PCDHGB1: variants seen among roughly 807,000 people sequenced by gnomAD.
The protein encoded by PCDHGB1 is protocadherin gamma subfamily B, 1.
Under a neutral mutation model 56.6 loss-of-function variants are expected in PCDHGB1, and 34 were observed. The ratio of observed to expected loss-of-function variants is 0.60; its 90% CI spans 0.46 to 0.80. The LOEUF (loss-of-function observed/expected upper bound fraction) is 0.80. Among genes scored for constraint, PCDHGB1 ranks in the 30% least tolerant of loss-of-function variants. PCDHGB1 has a pLI of 0.00. For missense variants in PCDHGB1, 1,278 were observed against 1,204.6 expected, an observed-to-expected ratio of 1.06 and a Z score of -0.90; for synonymous variants, 561 against 505.9, an observed-to-expected ratio of 1.11 and a Z score of -1.46.
At chr5:141,430,781 C>T (rs559701152) in intron 1 of PCDHGB1, 6 of 1,510,922 alleles carry the variant, frequency 4.0e-6, no homozygotes, top group South Asian at 2.7e-5. Context: ...GCGACTGCAC[C>T]GGGACTACAA....
intron 1 of PCDHGB1, chr5:141,419,056 T>C (rs2096318283): frequency 6.2e-7 from 1 of 1,613,836 alleles, no homozygotes; most frequent in Non-Finnish European, 8.5e-7. Context: ...CTTCTTCTAA[T>C]AATTACTACA....
At chr5:141,455,289 A>G (rs1592356100) in intron 1 of PCDHGB1, among the ~76,000 whole-genome samples, 2 of 152,192 alleles carry the variant, frequency 1.3e-5, no homozygotes, top group East Asian at 3.9e-4. Context: ...ATCACTTTAC[A>G]TAGTTTCATC....
chr5:141,459,444 T>C (rs1485634547), intron 1 of PCDHGB1, among the ~76,000 whole-genome samples: 1 of 152,244 alleles, frequency 6.6e-6, no homozygotes, highest in Non-Finnish European at 1.5e-5. Context: ...TTCATTCAAC[T>C]GTTGGTGGAC....
chr5:141,449,994 G>T (rs2098661673), intron 1 of PCDHGB1, among the ~76,000 whole-genome samples: 2 of 131,786 alleles, frequency 1.5e-5, no homozygotes, highest in Admixed American at 7.9e-5. Context: ...ATTGCATTTA[G>T]TTGCCATGTC....
Position 141,359,430 on chromosome 5 carries a change from C to A in PCDHGB1, c.2409+6761C>A, listed in dbSNP as rs374091211. On this transcript the variant is annotated intron_variant, in intron 1 of 3. Coordinates refer to ENST00000523390, the MANE Select transcript of PCDHGB1 (RefSeq NM_018922.3). Reference sequence around the variant, plus strand: ...AAAAATGTGTTTTTGTTAGAATGGGCAGTGGGTTTCTTTTAGCAAATAACA... The same window carrying A: ...AAAAATGTGTTTTTGTTAGAATGGGAAGTGGGTTTCTTTTAGCAAATAACA... 2.0e-5 allele frequency among the ~76,000 whole-genome samples: 3 copies of A among 151,344 alleles called. No individual in the cohort carries two copies. The East Asian group carries it at 5.8e-4, about 29-fold the overall frequency.
intron 1 of PCDHGB1, chr5:141,413,462 G>C (rs750915907): frequency 1.9e-6 from 3 of 1,614,120 alleles, no homozygotes; most frequent in Non-Finnish European, 2.5e-6. Flanking sequence ...AGGATAGACC[G>C]GGAGGAGCTC....
At chr5:141,406,044 G>A (rs1473314165) in intron 1 of PCDHGB1, among the ~76,000 whole-genome samples, 1 of 151,228 alleles carries the variant, frequency 6.6e-6, no homozygotes, top group Non-Finnish European at 1.5e-5. Flanking sequence ...ATTGGTTGCA[G>A]TGGACTCATA....
chr5:141,423,597 G>C, intron 1 of PCDHGB1: 1 of 1,613,188 alleles, frequency 6.2e-7, no homozygotes, highest in Non-Finnish European at 8.5e-7. Context: ...AGAAAAGCGA[G>C]CCACTCTTGA....
intron 1 of PCDHGB1, chr5:141,366,451 C>G: frequency 6.2e-7 from 1 of 1,614,228 alleles, no homozygotes; most frequent in Non-Finnish European, 8.5e-7. Context: ...TCCTGGCCTT[C>G]GTCATCGTGC....
chr5:141,419,894 C>G, intron 1 of PCDHGB1: 1 of 1,613,926 alleles, frequency 6.2e-7, no homozygotes, highest in Non-Finnish European at 8.5e-7. Flanking sequence ...CAGCGACCAT[C>G]CCACACCCTC....
At chr5:141,478,332 G>A (rs773442842) in intron 1 of PCDHGB1, 1 of 1,613,924 alleles carries the variant, frequency 6.2e-7, no homozygotes, top group Non-Finnish European at 8.5e-7. Context: ...CGAACACCAG[G>A]GCCCTCCTTG....
chr5:141,427,139 T>C (rs1430333586), intron 1 of PCDHGB1: 2 of 456,952 alleles, frequency 4.4e-6, no homozygotes, highest in East Asian at 1.4e-4. Context: ...TACGAGATGA[T>C]ATTGGAAATA....
rs752708726 is a variant in PCDHGB1 at position 141,413,991 on chromosome 5, C to T, written c.2409+61322C>T. 1.9e-6 allele frequency: 3 copies of T among 1,613,494 alleles called. No homozygotes were observed. The East Asian group carries it at 6.7e-5, about 36-fold the overall frequency. ...AGCTGCTGACAGTCACAGCCACCGA[C>T]AGGGACGAAGGTGCCAATGGAGAAG... On this transcript the variant is annotated intron_variant, in intron 1 of 3. Coordinates refer to ENST00000523390, the MANE Select transcript of PCDHGB1 (RefSeq NM_018922.3).
Position 141,374,094 on chromosome 5 carries a change from C to A in PCDHGB1, c.2409+21425C>A. 1 of 1,555,744 alleles carries A rather than the reference C, an allele frequency of 6.4e-7. No homozygotes were observed. The highest frequency in any genetic ancestry group is 1.2e-5 in the South Asian group (1 of 82,772). On this transcript the variant is annotated intron_variant, in intron 1 of 3. Coordinates refer to ENST00000523390, the MANE Select transcript of PCDHGB1 (RefSeq NM_018922.3). ...CCTAATAAGCCAGTAATGGCGCCTC[C>A]GCAGAGGCATCCGCAGCGCAGCGAG...
rs987773604 is a variant in PCDHGB1 at position 141,409,588 on chromosome 5, C to G, written c.2409+56919C>G. 5.6e-6 allele frequency: 9 copies of G among 1,613,760 alleles called. 1 individual carries two copies. The highest frequency in any genetic ancestry group is 7.6e-6 in the Non-Finnish European group (9 of 1,179,892). On this transcript the variant is annotated intron_variant, in intron 1 of 3. Transcript: ENST00000523390. ...AGACGTCCTACGTGGTCCACGTGGC[C>G]GAGAACAACCCGCCAGGAGCCTCCA...
intron 1 of PCDHGB1, among the ~76,000 whole-genome samples, chr5:141,458,758 G>T (rs1473104567): frequency 1.3e-5 from 2 of 150,844 alleles, no homozygotes; most frequent in Non-Finnish European, 3.0e-5. Context: ...TTTGAGACAG[G>T]GTCTTGCTGT....
At position 141,431,026 on chromosome 5, in the gene PCDHGB1, G is replaced by A; in HGVS notation, c.2410-63781G>A. On this transcript the variant is annotated intron_variant, in intron 1 of 3. Coordinates refer to ENST00000523390, the MANE Select transcript of PCDHGB1 (RefSeq NM_018922.3). This position sits in a 1 kb window ranked among gnomAD's most constrained non-coding sequence, Gnocchi z 4.8. Reference sequence around the variant, plus strand: ...GCGGCAGCTTGGTCACGGCGGGCAGGATAGACCGGGAGGAGCTCTGTATGG... The same window carrying A: ...GCGGCAGCTTGGTCACGGCGGGCAGAATAGACCGGGAGGAGCTCTGTATGG... The A allele has an allele frequency of 1.2e-6, 2 of 1,614,118 alleles. No homozygotes were observed. The highest frequency in any genetic ancestry group is 1.7e-6 in the Non-Finnish European group (2 of 1,179,960).
At chr5:141,393,028 C>T in intron 1 of PCDHGB1, 6 of 1,613,768 alleles carry the variant, frequency 3.7e-6, no homozygotes, top group Non-Finnish European at 5.1e-6. Context: ...AGAGGTAGGA[C>T]GCAGCTCTTT....
At position 141,351,265 on chromosome 5, in the gene PCDHGB1, C is replaced by A; in HGVS notation, c.1005C>A (p.Asp335Glu). 1 of 1,613,896 alleles carries A rather than the reference C, an allele frequency of 6.2e-7. No individual in the cohort carries two copies. Among genetic ancestry groups the A allele is most frequent in the Non-Finnish European group, 8.5e-7 (1 of 1,179,838 alleles). Reference sequence around the variant, plus strand: ...GTAATGTTCAAATAGAAATTGTTGACGAGAATGACAATGCCCCAGAGGTGA... The same window carrying A: ...GTAATGTTCAAATAGAAATTGTTGAAGAGAATGACAATGCCCCAGAGGTGA... ...AHCNVQIEIV[D>E]ENDNAPEVTF... The change falls in exon 1 of 4, where the codon GAC becomes GAA. Residue 335 changes from aspartate to glutamate, a missense_variant. Coordinates refer to ENST00000523390, the MANE Select transcript of PCDHGB1 (RefSeq NM_018922.3).
Sources: allele counts gnomAD v4.1 joint callset (sites outside exome capture counted in the v4.1 genomes callset), GRCh38; gene constraint gnomAD v4.1.1; non-coding constraint Gnocchi (gnomAD v3.1); transcripts MANE v1.5; gene names NCBI Gene and HGNC (gene_info 2026-07-23, HGNC 2026-07-21).